The following KDM2B variants were observed in gnomAD, a reference collection of about 807,000 sequenced individuals.
The protein encoded by KDM2B is lysine-specific demethylase 2B.
A neutral mutation model predicts 150.0 loss-of-function variants in KDM2B; 26 were observed. That is an observed-to-expected ratio of 0.17 (90% CI 0.13 to 0.24). The LOEUF (loss-of-function observed/expected upper bound fraction) is 0.24, where lower values mean the gene tolerates loss of function less well. KDM2B is among the 10% of genes least tolerant of loss of function. The pLI is 1.00. For missense variants in KDM2B, 1,265 were observed against 1,816.9 expected (o/e 0.70, Z 5.52); for synonymous variants, 734 against 729.5 (o/e 1.01, Z -0.10).
At chr12:121,496,832 G>A (rs1164480659) in intron 11 of KDM2B, among the ~76,000 whole-genome samples, 2 of 151,310 alleles carry the variant, frequency 1.3e-5, no homozygotes, top group Non-Finnish European at 2.9e-5. Context: ...GGGATTGCAG[G>A]TGTGAGCCCC....
intron 12 of KDM2B, among the ~76,000 whole-genome samples, chr12:121,463,102 G>A (rs1177795784): frequency 1.3e-5 from 2 of 151,662 alleles, no homozygotes; most frequent in Non-Finnish European, 2.9e-5. Context: ...GGATCACAAG[G>A]TCAGGAGTTC....
rs782808062 is a variant in KDM2B, at chr12:121,444,075, G to A, written c.2388C>T (p.Asp796=). The change falls in exon 16 of 23, where the codon GAC becomes GAT. Residue 796 remains aspartate (D), a synonymous_variant. Coordinates refer to ENST00000377071, the MANE Select transcript of KDM2B (RefSeq NM_032590.5). ...PPDGLLRRKS[D]DVHLRKKRKY... is the part of the protein sequence containing the mutation. ...TCCGCTTCTTCCTCAGGTGCACGTC[G>A]TCAGACTTTCTGCGCAGAAGGCCGT... is the stretch of plus-strand genomic sequence containing the variant. 18 of 1,613,840 alleles carry A rather than the reference G, an allele frequency of 1.1e-5. 1 individual carries two copies. Among genetic ancestry groups the A allele is most frequent in the Admixed American group, 6.7e-5 (4 of 60,010 alleles).
downstream of KDM2B, among the ~76,000 whole-genome samples, chr12:121,425,136 T>C (rs1555284077): frequency 2.6e-5 from 4 of 151,906 alleles, no homozygotes; most frequent in African/African-American, 9.7e-5. Flanking sequence ...ATGGTGAAAC[T>C]GTCTCAACTA....
the KDM2B span, chr12:121,420,466 C>T: frequency 1.3e-6 from 2 of 1,560,344 alleles, no homozygotes; most frequent in African/African-American, 1.4e-5. Context: ...TACTGAAACA[C>T]TTCTAGGACT....
chr12:121,444,612 C>T (rs545411740), intron 14 of KDM2B, 76 bp from the exon 15 acceptor site: 155 of 1,239,266 alleles, frequency 1.3e-4, no homozygotes, highest in Non-Finnish European at 1.8e-4. Context: ...TGTGACGCCA[C>T]GTCTTCCAGA....
intron 17 of KDM2B, 163 bp from the exon 18 acceptor site, chr12:121,443,193 C>CCAGG (rs1555289074): frequency 1.5e-6 from 1 of 665,198 alleles, no homozygotes; most frequent in Non-Finnish European, 2.6e-6. Flanking sequence ...GACGGGCGAG[C>CCAGG]CCTGCCTGCA....
intron 4 of KDM2B, among the ~76,000 whole-genome samples, chr12:121,568,021 G>C (rs914034426): frequency 1.3e-5 from 2 of 151,920 alleles, no homozygotes; most frequent in African/African-American, 4.8e-5. Flanking sequence ...GAGCCACTGC[G>C]CCCAGCCTAA....
chr12:121,474,387 G>T (rs1881114551), intron 12 of KDM2B, among the ~76,000 whole-genome samples: 1 of 151,880 alleles, frequency 6.6e-6, no homozygotes, highest in Non-Finnish European at 1.5e-5. Context: ...GCGGTAGCGG[G>T]TGCCTGTAGT....
the KDM2B span, chr12:121,418,038 C>T: frequency 2.0e-6 from 2 of 990,218 alleles, no homozygotes; most frequent in Non-Finnish European, 3.0e-6. Context: ...AGCTTCCACA[C>T]CCAGCTGAAC....
intron 6 of KDM2B, among the ~76,000 whole-genome samples, chr12:121,545,713 C>A (rs1403507691): frequency 6.6e-6 from 1 of 152,188 alleles, no homozygotes; most frequent in Non-Finnish European, 1.5e-5. Context: ...CCCATAGCAA[C>A]AAGAGGACCT....
intron 6 of KDM2B, among the ~76,000 whole-genome samples, chr12:121,540,131 C>T (rs941628254): frequency 1.3e-5 from 2 of 152,128 alleles, no homozygotes; most frequent in East Asian, 1.9e-4. Flanking sequence ...GTAACCCATG[C>T]CTCCCTTATT....
chr12:121,409,308 T>C, the KDM2B span: 3 of 152,152 alleles, frequency 2.0e-5, no homozygotes, highest in Non-Finnish European at 2.9e-5. Flanking sequence ...TCTTAAAGGA[T>C]TGGGTAAAAC....
chr12:121,575,757 G>A lies in KDM2B; in HGVS notation c.350+24C>T, dbSNP rs1566437839. 6.6e-7 allele frequency: 1 copy of A among 1,515,988 alleles called. No individual in the cohort carries two copies. The highest frequency in any genetic ancestry group is 9.2e-7 in the Non-Finnish European group (1 of 1,090,596). 93.9% of individuals were successfully genotyped at this position (1,515,988 alleles called of 1,614,324 possible). A position where few individuals can be genotyped will look rare whatever the true frequency, so the allele number is the denominator to read the frequency against. On this transcript the variant is annotated intron_variant, in intron 3 of 22. Transcript: ENST00000377071. The surrounding 1 kb of genome is among the most constrained non-coding windows in gnomAD (Gnocchi z 4.4). The stretch of plus-strand genomic sequence containing the variant: ...ATGTTAGGGAGGAAGACGGGGGAAG[G>A]AGTGATTAGTTTCAGCAACTTACTT...
chr12:121,526,231 T>C (rs1485774374), intron 8 of KDM2B, among the ~76,000 whole-genome samples: 1 of 152,118 alleles, frequency 6.6e-6, no homozygotes, highest in Non-Finnish European at 1.5e-5. Flanking sequence ...CACACGCCTG[T>C]AATCCCAGCT....
downstream of KDM2B, among the ~76,000 whole-genome samples, chr12:121,428,898 T>C (rs1487338166): frequency 6.6e-6 from 1 of 152,238 alleles, no homozygotes; most frequent in East Asian, 1.9e-4. Context: ...GAATTAATTC[T>C]GTGTGGTAAG....
At chr12:121,501,000 A>T (rs184656378) in intron 11 of KDM2B, among the ~76,000 whole-genome samples, 1 of 152,238 alleles carries the variant, frequency 6.6e-6, no homozygotes, top group African/African-American at 2.4e-5. Context: ...ACTCAGGAGG[A>T]TGAGGCAGGA....
At chr12:121,433,713 A>C (rs1207576989) in intron 22 of KDM2B, among the ~76,000 whole-genome samples, 2 of 152,234 alleles carry the variant, frequency 1.3e-5, no homozygotes, top group Non-Finnish European at 2.9e-5. Flanking sequence ...AGAAATAGAA[A>C]AATCTATCCT....
chr12:121,443,217 A>C (rs1875488701), intron 17 of KDM2B, 187 bp from the exon 18 acceptor site: 1 of 626,506 alleles, frequency 1.6e-6, no homozygotes, highest in Non-Finnish European at 2.8e-6. Flanking sequence ...TTCAAGGAAG[A>C]AGCTGGAAGT....
chr12:121,441,017 T>C, intron 20 of KDM2B, 40 bp from the exon 21 acceptor site: 1 of 1,612,048 alleles, frequency 6.2e-7, no homozygotes, highest in Non-Finnish European at 8.5e-7. Context: ...AGGGGATGTG[T>C]CCCCAGCCCT....
Sources: gnomAD v4.1 joint callset for allele counts (sites outside exome capture counted in the v4.1 genomes callset) on GRCh38, gnomAD v4.1.1 for gene constraint, Gnocchi (gnomAD v3.1) non-coding constraint, MANE v1.5 for transcripts, NCBI Gene and HGNC (gene_info 2026-07-23, HGNC 2026-07-21) for gene names.